The following ULK4 variants were observed in gnomAD, a reference collection of about 807,000 sequenced individuals.
ULK4 encodes the protein inactive serine/threonine-protein kinase ULK4.
ULK4 carries 133 observed loss-of-function variants against 160.6 expected under a neutral mutation model. That is an observed-to-expected ratio of 0.83 (90% CI 0.72 to 0.96). ULK4 has a LOEUF of 0.96. ULK4 is among the 40% of genes least tolerant of loss of function. ULK4 has a pLI of 0.00. For missense variants in ULK4, 1,580 were observed against 1,499.5 expected (o/e 1.05, Z -0.89); for synonymous variants, 534 against 539.8 (o/e 0.99, Z 0.15).
chr3:41,322,834 G>A (rs1277705286), intron 35 of ULK4, among the ~76,000 whole-genome samples: 1 of 152,152 alleles, frequency 6.6e-6, no homozygotes, highest in Non-Finnish European at 1.5e-5. Context: ...AAAAATTATG[G>A]TGAGAACAAG....
At chr3:41,452,867 C>A (rs965442781) in intron 34 of ULK4, among the ~76,000 whole-genome samples, 2 of 152,072 alleles carry the variant, frequency 1.3e-5, no homozygotes, top group Non-Finnish European at 2.9e-5. Flanking sequence ...AACAGAATGG[C>A]TTTTGAATCA....
intron 22 of ULK4, among the ~76,000 whole-genome samples, chr3:41,721,804 T>G (rs1008168013): frequency 6.6e-6 from 1 of 152,182 alleles, no homozygotes; most frequent in Admixed American, 6.5e-5. Flanking sequence ...ACAGCCCGAT[T>G]TGTAAGATTT....
rs184141411 is a variant in ULK4 at position 41,583,382 on chromosome 3, A to G, written c.3121-17252T>C. ...AAATAAGTCTCATTTATTTTCCACT[A>G]TGAATCTCTGTGGGATTAATAAGAG... On this transcript the variant is annotated intron_variant, in intron 31 of 36. Transcript: ENST00000301831. Among the ~76,000 whole-genome samples, 57 of 152,286 alleles carry G rather than the reference A, an allele frequency of 3.7e-4. No homozygotes were observed. In the East Asian group the frequency reaches 5.0e-3, roughly 13 times the overall value.
At chr3:41,781,118 G>C (rs187153343) in intron 21 of ULK4, among the ~76,000 whole-genome samples, 1 of 151,968 alleles carries the variant, frequency 6.6e-6, no homozygotes, top group Non-Finnish European at 1.5e-5. Flanking sequence ...GCAAGAGAGA[G>C]GAGAGACAGA....
At chr3:41,496,783 C>T (rs887278722) in intron 32 of ULK4, among the ~76,000 whole-genome samples, 2 of 151,962 alleles carry the variant, frequency 1.3e-5, no homozygotes, top group Non-Finnish European at 2.9e-5. Context: ...AAAAGATCTC[C>T]CTAACTACTC....
At chr3:41,355,512 A>C (rs924724702) in intron 35 of ULK4, among the ~76,000 whole-genome samples, 5 of 152,244 alleles carry the variant, frequency 3.3e-5, no homozygotes, top group African/African-American at 7.2e-5. Context: ...CAGTATTCAT[A>C]ATCAACTTTC....
Position 41,546,766 on chromosome 3 carries a change from TTAAAAA to T in ULK4, c.3226+19253_3226+19258del, listed in dbSNP as rs371224255. Among the ~76,000 whole-genome samples, 284 of 122,258 alleles carry T rather than the reference TTAAAAA, an allele frequency of 2.3e-3. 17 individuals carry two copies. Among genetic ancestry groups the T allele is most frequent in the Admixed American group, 3.7e-3 (46 of 12,310 alleles). The allele number at this position is 122,258 out of a possible 152,430, so 80.2% of individuals were successfully genotyped here. On this transcript the variant is annotated intron_variant, in intron 32 of 36. Transcript: ENST00000301831. ...AGATTCTACTTTCCTCCCTAGGCCC[TTAAAAA>T]AAAAAAAAAAAAAAAAAAAGCCAGA...
At chr3:41,704,702 A>G (rs1350816282) in intron 27 of ULK4, among the ~76,000 whole-genome samples, 1 of 152,164 alleles carries the variant, frequency 6.6e-6, no homozygotes, top group Non-Finnish European at 1.5e-5. Context: ...CCCAGAATGC[A>G]CGGGACAGCC....
At position 41,819,460 on chromosome 3, in the gene ULK4, G is replaced by A; in HGVS notation, c.1811C>T (p.Ala604Val). 1 of 1,613,434 alleles carries A rather than the reference G, an allele frequency of 6.2e-7. No individual in the cohort carries two copies. Among genetic ancestry groups the A allele is most frequent in the Non-Finnish European group, 8.5e-7 (1 of 1,179,868 alleles). ...GCACCTCATTAGCACTGTGTATGCA[G>A]CCAAGGGAACAGCCCAGCACTCTCT... ...NPRECWAVPL[A>V]AYTVLMRCLR... Residue 604 changes from alanine (A) to valine (V), a missense_variant, in exon 19 of 37, where the codon GCT (alanine) becomes GTT (valine). By Grantham distance (64) the Ala-to-Val change is moderately conservative. Coordinates refer to ENST00000301831, the MANE Select transcript of ULK4 (RefSeq NM_017886.4).
intron 32 of ULK4, among the ~76,000 whole-genome samples, chr3:41,561,199 T>G (rs1025801711): frequency 6.6e-6 from 1 of 152,206 alleles, no homozygotes; most frequent in African/African-American, 2.4e-5. Flanking sequence ...CAGCCTTGCA[T>G]CCCAGGGACG....
chr3:41,592,041 A>C (rs1249575731), intron 31 of ULK4, among the ~76,000 whole-genome samples: 1 of 152,322 alleles, frequency 6.6e-6, no homozygotes. Context: ...TACTGCAGGA[A>C]TATATCAGAA....
At chr3:41,418,157 A>G (rs1445587074) in intron 34 of ULK4, among the ~76,000 whole-genome samples, 1 of 152,056 alleles carries the variant, frequency 6.6e-6, no homozygotes, top group East Asian at 1.9e-4. Flanking sequence ...CAGGGTTAGG[A>G]GCATTAACCC....
At chr3:41,736,026 AT>A (rs1371556088) in intron 22 of ULK4, among the ~76,000 whole-genome samples, 1 of 151,346 alleles carries the variant, frequency 6.6e-6, no homozygotes, top group Non-Finnish European at 1.5e-5. Context: ...TGAACTCATC[AT>A]TTTTTATGGC....
intron 35 of ULK4, among the ~76,000 whole-genome samples, chr3:41,374,077 A>G (rs1227695734): frequency 2.0e-5 from 3 of 152,194 alleles, no homozygotes; most frequent in Non-Finnish European, 4.4e-5. Flanking sequence ...CCCTCCCAAG[A>G]CTAAACCAGG....
chr3:41,303,306 T>C (rs1380621940), intron 35 of ULK4, among the ~76,000 whole-genome samples: 3 of 152,190 alleles, frequency 2.0e-5, no homozygotes, highest in African/African-American at 7.2e-5. Flanking sequence ...GAAGGTATCA[T>C]AGCAAGAAGT....
intron 32 of ULK4, among the ~76,000 whole-genome samples, chr3:41,478,634 T>A (rs2084214850): frequency 6.6e-6 from 1 of 152,180 alleles, no homozygotes; most frequent in Admixed American, 6.5e-5. Flanking sequence ...TACTTGAGAG[T>A]GAAAAGTTTC....
intron 21 of ULK4, among the ~76,000 whole-genome samples, chr3:41,764,270 T>C (rs1302995872): frequency 2.6e-5 from 4 of 152,214 alleles, no homozygotes; most frequent in Non-Finnish European, 5.9e-5. Context: ...AAAAACAGAC[T>C]TAGCAGTTAT....
intron 32 of ULK4, among the ~76,000 whole-genome samples, chr3:41,546,861 T>C (rs759775134): frequency 6.6e-6 from 1 of 151,646 alleles, no homozygotes; most frequent in African/African-American, 2.4e-5. Context: ...ATTCTGTCTA[T>C]GTTAAAAGAT....
intron 31 of ULK4, among the ~76,000 whole-genome samples, chr3:41,581,995 T>A (rs908225155): frequency 6.6e-6 from 1 of 152,184 alleles, no homozygotes; most frequent in Admixed American, 6.5e-5. Context: ...ACTTCTGCAA[T>A]GAACACTTAA....
Sources: allele counts gnomAD v4.1 joint callset (sites outside exome capture counted in the v4.1 genomes callset), GRCh38; gene constraint gnomAD v4.1.1; transcripts MANE v1.5; gene names NCBI Gene and HGNC (gene_info 2026-07-23, HGNC 2026-07-21).